The following PDE12 variants were observed in gnomAD, a reference collection of about 807,000 sequenced individuals.
PDE12 encodes 2',5'-phosphodiesterase 12.
Under a neutral mutation model 45.4 loss-of-function variants are expected in PDE12, and 26 were observed. That is an observed-to-expected ratio of 0.57 (90% CI 0.42 to 0.79). PDE12 has a LOEUF of 0.79. Ranked by LOEUF, PDE12 falls within the 30% of genes least tolerant of loss-of-function variation. The pLI is 0.00. For synonymous variants in PDE12, 283 were observed against 323.9 expected (o/e 0.87, Z 1.36); for missense variants, 668 against 790.0 (o/e 0.85, Z 1.85).
chr3:57,602,583 T>G, the PDE12 span, among the ~76,000 whole-genome samples: 1 of 152,116 alleles, frequency 6.6e-6, no homozygotes, highest in Non-Finnish European at 1.5e-5. Flanking sequence ...TCTTTTTTTG[T>G]TTTTTGAGCC....
downstream of PDE12, among the ~76,000 whole-genome samples, chr3:57,567,184 C>T (rs1208385879): frequency 2.6e-5 from 4 of 151,940 alleles, no homozygotes; most frequent in Admixed American, 2.0e-4. Flanking sequence ...TGGTGGTACA[C>T]GCCTGTAGTC....
At chr3:57,607,536 A>G in the PDE12 span, among the ~76,000 whole-genome samples, 2 of 152,126 alleles carry the variant, frequency 1.3e-5, no homozygotes, top group South Asian at 4.2e-4. Flanking sequence ...AGTGTAGAGA[A>G]GTCCTTAAGT....
At chr3:57,558,510 T>TA (rs2069690464) in intron 1 of PDE12, among the ~76,000 whole-genome samples, 1 of 149,440 alleles carries the variant, frequency 6.7e-6, no homozygotes, top group African/African-American at 2.5e-5. Context: ...TTATTATTAT[T>TA]TTGAGACGGA....
the PDE12 span, among the ~76,000 whole-genome samples, chr3:57,643,141 A>G: frequency 6.6e-6 from 1 of 152,166 alleles, no homozygotes; most frequent in African/African-American, 2.4e-5. Flanking sequence ...GGAGCAATAG[A>G]AAGAAGATAA....
chr3:57,558,163 A>C (rs1448781610), intron 1 of PDE12, among the ~76,000 whole-genome samples: 1 of 151,776 alleles, frequency 6.6e-6, no homozygotes, highest in Non-Finnish European at 1.5e-5. Context: ...CTTGTGTTAA[A>C]GTTTTTAAGT....
the PDE12 span, among the ~76,000 whole-genome samples, chr3:57,580,162 G>A: frequency 6.6e-6 from 1 of 152,188 alleles, no homozygotes; most frequent in East Asian, 1.9e-4. Flanking sequence ...TGGGAAGACA[G>A]ACTCAAATTC....
At chr3:57,592,713 A>T in the PDE12 span, among the ~76,000 whole-genome samples, 1 of 152,330 alleles carries the variant, frequency 6.6e-6, no homozygotes, top group Non-Finnish European at 1.5e-5. Flanking sequence ...CCTATCAGCC[A>T]GTGGCATGAA....
the PDE12 span, among the ~76,000 whole-genome samples, chr3:57,632,059 C>T: frequency 1.8e-4 from 23 of 130,258 alleles, no homozygotes; most frequent in Non-Finnish European, 2.6e-4. Flanking sequence ...CTCACTCTTT[C>T]GCCCAGGCTG....
chr3:57,568,010 G>A (rs1437166190), downstream of PDE12, among the ~76,000 whole-genome samples: 1 of 133,878 alleles, frequency 7.5e-6, no homozygotes, highest in East Asian at 2.4e-4. Flanking sequence ...GGAGGTTGCA[G>A]TGAGCCAAGA....
the PDE12 span, among the ~76,000 whole-genome samples, chr3:57,585,665 CTT>C: frequency 3.6e-5 from 5 of 137,068 alleles, no homozygotes; most frequent in African/African-American, 5.4e-5. Context: ...TATCTAAATT[CTT>C]TTTTTTTTTT....
the PDE12 span, among the ~76,000 whole-genome samples, chr3:57,621,721 A>C: frequency 6.6e-6 from 1 of 152,112 alleles, no homozygotes; most frequent in Non-Finnish European, 1.5e-5. Context: ...TTGGGTAAGA[A>C]CACAACACTT....
chr3:57,613,744 C>CA, the PDE12 span, among the ~76,000 whole-genome samples: 161 of 150,916 alleles, frequency 1.1e-3, 1 homozygote, highest in African/African-American at 3.5e-3. Flanking sequence ...ACTAAAAATA[C>CA]AAAAAAATTA....
chr3:57,586,389 CAAGT>C, the PDE12 span, among the ~76,000 whole-genome samples: 3 of 152,290 alleles, frequency 2.0e-5, no homozygotes, highest in Admixed American at 2.0e-4. Flanking sequence ...CATTCCTATG[CAAGT>C]AAGTCTATCT....
chr3:57,642,313 CAAAAAAAAAAAA>C, the PDE12 span, among the ~76,000 whole-genome samples: 2 of 67,564 alleles, frequency 3.0e-5, no homozygotes, highest in South Asian at 1.1e-3. Context: ...GACTCTGTCT[CAAAAAAAAAAAA>C]AAAAAAAAAG....
the PDE12 span, among the ~76,000 whole-genome samples, chr3:57,650,244 C>A: frequency 6.6e-6 from 1 of 151,670 alleles, no homozygotes; most frequent in Non-Finnish European, 1.5e-5. Flanking sequence ...CACTAAAGAA[C>A]TTATTCATGC....
At chr3:57,613,556 T>A in the PDE12 span, among the ~76,000 whole-genome samples, 3 of 151,790 alleles carry the variant, frequency 2.0e-5, no homozygotes, top group South Asian at 6.2e-4. Flanking sequence ...CCTCCCAAAG[T>A]GCTGGGATTA....
At chr3:57,631,473 C>T in the PDE12 span, among the ~76,000 whole-genome samples, 2 of 152,120 alleles carry the variant, frequency 1.3e-5, no homozygotes, top group Non-Finnish European at 2.9e-5. Context: ...GGATTACAGG[C>T]GTGAACTACC....
chr3:57,596,998 A>T, the PDE12 span: 1 of 1,450,558 alleles, frequency 6.9e-7, no homozygotes, highest in Non-Finnish European at 9.5e-7. Flanking sequence ...GAGGAAAAAA[A>T]CAGGCCCAGA....
the PDE12 span, among the ~76,000 whole-genome samples, chr3:57,609,040 A>C: frequency 6.6e-6 from 1 of 152,222 alleles, no homozygotes; most frequent in Non-Finnish European, 1.5e-5. Context: ...ACTGTCTGTC[A>C]GACAACAGTG....
Sources: allele counts gnomAD v4.1 joint callset (sites outside exome capture counted in the v4.1 genomes callset), GRCh38; gene constraint gnomAD v4.1.1; transcripts MANE v1.5; gene names NCBI Gene and HGNC (gene_info 2026-07-23, HGNC 2026-07-21).